The following COL23A1 variants were observed in gnomAD, a reference collection of about 807,000 sequenced individuals.
COL23A1 encodes collagen type XXIII alpha 1 chain, also known as collagen alpha-1(XXIII) chain.
In COL23A1, 97 loss-of-function variants were observed where a neutral mutation model predicts 99.3. The observed-to-expected ratio is 0.98, with a 90% CI of 0.83 to 1.16. COL23A1 has a LOEUF of 1.16. Ranked by LOEUF, COL23A1 falls within the 50% of genes most tolerant of loss-of-function variation. COL23A1 has a pLI of 0.00. For missense variants in COL23A1, 762 were observed against 757.4 expected, an observed-to-expected ratio of 1.01 and a Z score of -0.07; for synonymous variants, 320 against 308.2, an observed-to-expected ratio of 1.04 and a Z score of -0.40.
At chr5:178,258,509 T>C (rs1298939364) in intron 12 of COL23A1, among the ~76,000 whole-genome samples, 11 of 148,112 alleles carry the variant, frequency 7.4e-5, no homozygotes, top group Non-Finnish European at 1.6e-4. Context: ...CATTCTCCTG[T>C]CTCAGCATCC....
chr5:178,261,625 AC>A, intron 11 of COL23A1, 96 bp downstream of exon 11: 1 of 828,688 alleles, frequency 1.2e-6, no homozygotes, highest in African/African-American at 1.7e-5. Context: ...CCTTGGCTTC[AC>A]TAGGGGTGGG....
intron 2 of COL23A1, among the ~76,000 whole-genome samples, chr5:178,331,564 GGCAGGGTGCGGA>G (rs1397983448): frequency 1.3e-5 from 2 of 152,258 alleles, no homozygotes; most frequent in African/African-American, 2.4e-5. Context: ...CGGCCCTCGG[GGCAGGGTGCGGA>G]GCAGGGAGGG....
chr5:178,586,705 G>A (rs73346592), intron 1 of COL23A1, among the ~76,000 whole-genome samples: 8,502 of 152,006 alleles, frequency 0.056, 698 homozygotes, highest in African/African-American at 0.19. Flanking sequence ...TTGGGAGCCA[G>A]GAAATGTCAA....
rs1049941685 is a variant in COL23A1, at chr5:178,510,692, A to T, written c.361+49990T>A. ...TAATAATAAAATAAAAAATAAAAAT[A>T]AAAAATAAAAAAAAGAGAAAAGAAA... On this transcript the variant is annotated intron_variant, in intron 2 of 28. Transcript: ENST00000390654. Among the ~76,000 whole-genome samples, 6 of 151,362 alleles carry T rather than the reference A, an allele frequency of 4.0e-5. No homozygotes were observed. In the South Asian group the frequency reaches 8.4e-4, roughly 21 times the overall value.
intron 2 of COL23A1, among the ~76,000 whole-genome samples, chr5:178,335,984 T>C (rs966436835): frequency 6.6e-6 from 1 of 152,240 alleles, no homozygotes; most frequent in Admixed American, 6.5e-5. Flanking sequence ...GGTGTCTGTT[T>C]CTGAGGTTCG....
intron 2 of COL23A1, among the ~76,000 whole-genome samples, chr5:178,477,558 T>C (rs1299181441): frequency 6.6e-6 from 1 of 152,214 alleles, no homozygotes; most frequent in African/African-American, 2.4e-5. Flanking sequence ...GTGGGTCTTT[T>C]AGACAGTTTG....
chr5:178,341,429 A>G (rs1581183120), intron 2 of COL23A1, among the ~76,000 whole-genome samples: 1 of 152,290 alleles, frequency 6.6e-6, no homozygotes, highest in Non-Finnish European at 1.5e-5. Context: ...CCCTGCTCCA[A>G]TCGGGTACCC....
intron 2 of COL23A1, among the ~76,000 whole-genome samples, chr5:178,358,589 GTGTA>G (rs1322031701): frequency 4.7e-5 from 7 of 149,134 alleles, no homozygotes; most frequent in African/African-American, 1.5e-4. Flanking sequence ...GTGTATGTGT[GTGTA>G]TGTGTATGTG....
intron 2 of COL23A1, among the ~76,000 whole-genome samples, chr5:178,541,691 T>C (rs1468004719): frequency 1.3e-5 from 2 of 152,352 alleles, no homozygotes; most frequent in East Asian, 1.9e-4. Context: ...AGACATATAC[T>C]ACATTGTTCG....
chr5:178,308,257 G>A lies in COL23A1; in HGVS notation c.362-1338C>T, dbSNP rs768224776. On this transcript the variant is annotated intron_variant, in intron 2 of 28. Coordinates refer to ENST00000390654, the MANE Select transcript of COL23A1 (RefSeq NM_173465.4). This position sits in a 1 kb window ranked among gnomAD's most constrained non-coding sequence, Gnocchi z 5.1. ...TGGAGAGGGGCCCTCAGTGCTACAC[G>A]ACACGTCAAAAGATTTGCAGGCCCA... Among the ~76,000 whole-genome samples, 4 of 152,280 alleles carry A rather than the reference G, an allele frequency of 2.6e-5. No individual in the cohort carries two copies. Among genetic ancestry groups the A allele is most frequent in the Admixed American group, 6.5e-5 (1 of 15,302 alleles).
At chr5:178,326,716 T>G (rs1332947953) in intron 2 of COL23A1, among the ~76,000 whole-genome samples, 6 of 152,224 alleles carry the variant, frequency 3.9e-5, no homozygotes, top group Non-Finnish European at 7.3e-5. Context: ...GACTCAATTC[T>G]TTTTGTTTAT....
chr5:178,574,493 A>G (rs116446192), intron 1 of COL23A1, among the ~76,000 whole-genome samples: 50 of 152,124 alleles, frequency 3.3e-4, no homozygotes, highest in Non-Finnish European at 6.3e-4. Context: ...CAGCCCCTCC[A>G]TTTGTCCAAG....
intron 2 of COL23A1, among the ~76,000 whole-genome samples, chr5:178,348,984 G>C (rs748155812): frequency 6.6e-6 from 1 of 152,024 alleles, no homozygotes; most frequent in South Asian, 2.1e-4. Flanking sequence ...GGAGTGGGGT[G>C]AACACATGTG....
intron 5 of COL23A1, among the ~76,000 whole-genome samples, chr5:178,272,523 G>A (rs947771384): frequency 4.6e-5 from 7 of 152,212 alleles, no homozygotes; most frequent in Non-Finnish European, 8.8e-5. Flanking sequence ...GAGAGTGGGA[G>A]TGGGGGCATT....
rs778182116 is a variant in COL23A1, at chr5:178,306,207, G to T, written c.406+668C>A. ...CCAGACAGCCGGGACTGCCCAGCAT[G>T]GGGGAGTGGCCAAGGGTGGGGGTCA... On this transcript the variant is annotated intron_variant, in intron 3 of 28. Transcript: ENST00000390654. This position sits in a 1 kb window ranked among gnomAD's most constrained non-coding sequence, Gnocchi z 4.1. Among the ~76,000 whole-genome samples, 9 of 152,156 alleles carry T rather than the reference G, an allele frequency of 5.9e-5. No individual in the cohort carries two copies. The highest frequency in any genetic ancestry group is 1.0e-4 in the Non-Finnish European group (7 of 68,012).
chr5:178,256,747 G>T lies in COL23A1; in HGVS notation c.837+119C>A, dbSNP rs563784547. ...TGAGAGTGCTGAGGGAGACCCCTGG[G>T]TCAGGCCCTCCTGGGACTTAAAAGG... On this transcript the variant is annotated intron_variant, in intron 14 of 28. Coordinates refer to ENST00000390654, the MANE Select transcript of COL23A1 (RefSeq NM_173465.4). 3.0e-5 allele frequency: 30 copies of T among 989,968 alleles called. No homozygotes were observed. The South Asian group carries it at 4.6e-4, about 15-fold the overall frequency. The allele number at this position is 989,968 out of a possible 1,614,324, so 61.3% of individuals were successfully genotyped here.
chr5:178,581,878 G>C (rs549301640), intron 1 of COL23A1, among the ~76,000 whole-genome samples: 1 of 152,238 alleles, frequency 6.6e-6, no homozygotes, highest in South Asian at 2.1e-4. Flanking sequence ...AGGTAAAAAT[G>C]GTATGCATTC....
rs531921325 is a variant in COL23A1, at chr5:178,364,993, AATTT to A, written c.362-58078_362-58075del. ...TCACAACCCTCGCCAATACAGCCTG[AATTT>A]ATTAAGCAATGGGCTCTTCCTGTCA... On this transcript the variant is annotated intron_variant, in intron 2 of 28. Coordinates refer to ENST00000390654, the MANE Select transcript of COL23A1 (RefSeq NM_173465.4). Among the ~76,000 whole-genome samples, 319 of 152,332 alleles carry A rather than the reference AATTT, an allele frequency of 2.1e-3. 1 individual carries two copies. The highest frequency in any genetic ancestry group is 7.3e-3 in the African/African-American group (305 of 41,588).
intron 2 of COL23A1, among the ~76,000 whole-genome samples, chr5:178,341,863 C>T (rs989246141): frequency 6.6e-6 from 1 of 152,194 alleles, no homozygotes; most frequent in Non-Finnish European, 1.5e-5. Context: ...CCAGACAGCA[C>T]CTGGCGAGCC....
Sources: gnomAD v4.1 joint callset for allele counts (sites outside exome capture counted in the v4.1 genomes callset) on GRCh38, gnomAD v4.1.1 for gene constraint, Gnocchi (gnomAD v3.1) non-coding constraint, MANE v1.5 for transcripts, NCBI Gene and HGNC (gene_info 2026-07-23, HGNC 2026-07-21) for gene names.